Variants in ASIC2 observed in about 807,000 individuals in gnomAD.
The protein encoded by ASIC2 is acid sensing ion channel subunit 2.
ASIC2 carries 25 observed loss-of-function variants against 57.3 expected under a neutral mutation model. The ratio of observed to expected loss-of-function variants is 0.44; its 90% CI spans 0.32 to 0.61. The LOEUF (loss-of-function observed/expected upper bound fraction) is 0.61, where lower values mean the gene tolerates loss of function less well. Among genes scored for constraint, ASIC2 ranks in the 20% least tolerant of loss-of-function variants. ASIC2 has a pLI of 0.06. For missense variants in ASIC2, 641 were observed against 738.1 expected (o/e 0.87, Z 1.52); for synonymous variants, 319 against 307.5 (o/e 1.04, Z -0.39).
intron 1 of ASIC2, among the ~76,000 whole-genome samples, chr17:33,240,181 G>A (rs1181833450): frequency 6.6e-6 from 1 of 152,200 alleles, no homozygotes; most frequent in Non-Finnish European, 1.5e-5. Context: ...GCCCTGACCT[G>A]AGTCTACAGA....
At chr17:33,445,521 C>T (rs1423308032) in intron 1 of ASIC2, among the ~76,000 whole-genome samples, 25 of 152,064 alleles carry the variant, frequency 1.6e-4, no homozygotes, top group Non-Finnish European at 2.2e-4. Flanking sequence ...GCACTCAGTA[C>T]AAGCCATTGG....
rs528829831 is a variant in ASIC2 at position 33,977,589 on chromosome 17, C to T, written c.555+178389G>A. 7.1e-4 allele frequency among the ~76,000 whole-genome samples: 108 copies of T among 152,310 alleles called. No homozygotes were observed. In the South Asian group the frequency reaches 0.022, roughly 32 times the overall value. ...TGCTTGTTTGAAGGATACAGTTTTT[C>T]TATCCTCGATAACCATGGCATTTTT... On this transcript the variant is annotated intron_variant, in intron 1 of 9. Transcript: ENST00000359872.
At chr17:33,570,821 G>T (rs1047949773) in intron 1 of ASIC2, among the ~76,000 whole-genome samples, 1 of 152,074 alleles carries the variant, frequency 6.6e-6, no homozygotes, top group Non-Finnish European at 1.5e-5. Context: ...CTCTCCATGT[G>T]GCATCTCATC....
chr17:33,865,635 T>C (rs1278185307), intron 1 of ASIC2, among the ~76,000 whole-genome samples: 1 of 151,904 alleles, frequency 6.6e-6, no homozygotes, highest in African/African-American at 2.4e-5. Context: ...CATTGGGAGA[T>C]ATACCTAATG....
intron 1 of ASIC2, among the ~76,000 whole-genome samples, chr17:33,849,708 G>A (rs2141914638): frequency 6.6e-6 from 1 of 152,244 alleles, no homozygotes; most frequent in South Asian, 2.1e-4. Context: ...TCAGAGACTG[G>A]GCAAAAGGGA....
chr17:33,020,597 C>T (rs1450963514), intron 7 of ASIC2, among the ~76,000 whole-genome samples: 1 of 152,180 alleles, frequency 6.6e-6, no homozygotes, highest in Non-Finnish European at 1.5e-5. Context: ...AATTAGCTGC[C>T]TGTATCCATC....
At chr17:33,323,591 G>T (rs1279491904) in intron 1 of ASIC2, among the ~76,000 whole-genome samples, 1 of 152,194 alleles carries the variant, frequency 6.6e-6, no homozygotes, top group Non-Finnish European at 1.5e-5. Context: ...GCAGACGCCT[G>T]TAATCCCAGC....
chr17:33,082,651 A>G (rs1598267360), intron 3 of ASIC2, among the ~76,000 whole-genome samples: 1 of 152,024 alleles, frequency 6.6e-6, no homozygotes, highest in East Asian at 1.9e-4. Context: ...GTGAGCAGAG[A>G]TTGCACCACT....
intron 1 of ASIC2, among the ~76,000 whole-genome samples, chr17:33,585,700 T>A (rs1362107955): frequency 6.6e-6 from 1 of 152,172 alleles, no homozygotes; most frequent in Non-Finnish European, 1.5e-5. Flanking sequence ...CAGATGGGAT[T>A]TCTTATCCTT....
intron 1 of ASIC2, among the ~76,000 whole-genome samples, chr17:34,124,064 G>A (rs1391514930): frequency 2.6e-5 from 4 of 152,192 alleles, no homozygotes; most frequent in Non-Finnish European, 5.9e-5. Flanking sequence ...CTGGGTGACA[G>A]AAGTGAAACC....
At chr17:33,445,195 A>G (rs1480110814) in intron 1 of ASIC2, among the ~76,000 whole-genome samples, 1 of 152,218 alleles carries the variant, frequency 6.6e-6, no homozygotes, top group African/African-American at 2.4e-5. Flanking sequence ...TTGGGAGGCC[A>G]AGGCGTCTGA....
At chr17:33,466,993 T>A (rs1428734009) in intron 1 of ASIC2, among the ~76,000 whole-genome samples, 1 of 152,042 alleles carries the variant, frequency 6.6e-6, no homozygotes, top group Non-Finnish European at 1.5e-5. Flanking sequence ...AATAGACAAA[T>A]GGGATCTGAT....
At chr17:33,889,952 C>A (rs1914923704) in intron 1 of ASIC2, among the ~76,000 whole-genome samples, 1 of 152,162 alleles carries the variant, frequency 6.6e-6, no homozygotes, top group Non-Finnish European at 1.5e-5. Context: ...TAAGCATGTC[C>A]TCCTTCTAGC....
intron 1 of ASIC2, among the ~76,000 whole-genome samples, chr17:33,908,841 A>G (rs1405020597): frequency 6.6e-6 from 1 of 152,212 alleles, no homozygotes; most frequent in African/African-American, 2.4e-5. Flanking sequence ...ACCCAGAGCT[A>G]AACCTCTAGT....
chr17:33,535,582 A>T lies in ASIC2; in HGVS notation c.556-423515T>A, dbSNP rs544948110. Among the ~76,000 whole-genome samples the T allele has an allele frequency of 2.6e-5, 4 of 152,120 alleles. No individual in the cohort carries two copies. In the East Asian group the frequency reaches 7.8e-4, roughly 30 times the overall value. Reference sequence around the variant, plus strand: ...TGAGCCACTGTGCCTGGCCCCAAAAATGTCACTTCTTAGTGGAAGTGGTTA... The same window carrying T: ...TGAGCCACTGTGCCTGGCCCCAAAATTGTCACTTCTTAGTGGAAGTGGTTA... On this transcript the variant is annotated intron_variant, in intron 1 of 9. Coordinates refer to the ASIC2 transcript ENST00000359872.
chr17:33,202,685 C>G (rs191905118), intron 1 of ASIC2, among the ~76,000 whole-genome samples: 1 of 152,172 alleles, frequency 6.6e-6, no homozygotes, highest in African/African-American at 2.4e-5. Flanking sequence ...CTATGGAGAG[C>G]GAACGTGACT....
intron 1 of ASIC2, among the ~76,000 whole-genome samples, chr17:33,513,005 C>T (rs1029834358): frequency 9.2e-5 from 14 of 152,184 alleles, no homozygotes; most frequent in African/African-American, 2.9e-4. Flanking sequence ...TCCTGTTGTC[C>T]AGTCTTGTGC....
intron 1 of ASIC2, among the ~76,000 whole-genome samples, chr17:33,882,876 T>G (rs1451981451): frequency 6.6e-6 from 1 of 152,122 alleles, no homozygotes; most frequent in East Asian, 1.9e-4. Context: ...CCAACAATGA[T>G]AGACTAGATT....
At chr17:33,582,887 C>G (rs962371626) in intron 1 of ASIC2, among the ~76,000 whole-genome samples, 9 of 152,148 alleles carry the variant, frequency 5.9e-5, no homozygotes, top group African/African-American at 1.9e-4. Context: ...GCAGTGGGCA[C>G]TGTTATTTTA....
Sources: gnomAD v4.1 joint callset for allele counts (sites outside exome capture counted in the v4.1 genomes callset) on GRCh38, gnomAD v4.1.1 for gene constraint, MANE v1.5 for transcripts, NCBI Gene and HGNC (gene_info 2026-07-23, HGNC 2026-07-21) for gene names.